Variants in DNAH6 observed in about 807,000 individuals in gnomAD.
DNAH6 encodes the protein dynein axonemal heavy chain 6.
Under a neutral mutation model 491.4 loss-of-function variants are expected in DNAH6, and 340 were observed. The ratio of observed to expected loss-of-function variants is 0.69; its 90% CI spans 0.63 to 0.76. The LOEUF (loss-of-function observed/expected upper bound fraction) is 0.76, where lower values mean the gene tolerates loss of function less well. Ranked by LOEUF, DNAH6 falls within the 30% of genes least tolerant of loss-of-function variation. DNAH6 has a pLI of 0.00. For synonymous variants in DNAH6, 1,603 were observed against 1,686.1 expected, an observed-to-expected ratio of 0.95 and a Z score of 1.21; for missense variants, 4,443 against 4,972.2, an observed-to-expected ratio of 0.89 and a Z score of 3.20.
In DNAH6 at chr2:84,653,280, AC is replaced by A. The variant is rs1426101344; in HGVS notation, c.5079-37del. The stretch of plus-strand genomic sequence containing the variant: ...TAACAAATACGGGAAAATATCAATG[AC>A]CAGTTGTTCCTAATTGATTTTATTT... On this transcript the variant is annotated intron_variant, in intron 33 of 76. Transcript: ENST00000389394. 5.0e-6 allele frequency: 7 copies of A among 1,401,176 alleles called. No individual in the cohort carries two copies. The East Asian group carries it at 1.5e-4, about 30-fold the overall frequency. 86.8% of individuals were successfully genotyped at this position (1,401,176 alleles called of 1,614,324 possible). A position where few individuals can be genotyped will look rare whatever the true frequency, so the allele number is the denominator to read the frequency against.
At chr2:84,756,932 T>C (rs1313433957) in intron 63 of DNAH6, among the ~76,000 whole-genome samples, 1 of 152,144 alleles carries the variant, frequency 6.6e-6, no homozygotes, top group Non-Finnish European at 1.5e-5. Flanking sequence ...TATATCATAA[T>C]GGGAAATTTA....
chr2:84,547,115 G>C (rs990801820), intron 5 of DNAH6, among the ~76,000 whole-genome samples, 153 bp from the exon 6 acceptor site: 1 of 152,168 alleles, frequency 6.6e-6, no homozygotes, highest in Non-Finnish European at 1.5e-5. Flanking sequence ...AGTTATAAAA[G>C]TGATCTTTTA....
intron 29 of DNAH6, among the ~76,000 whole-genome samples, chr2:84,627,270 G>A (rs960840319): frequency 2.6e-5 from 4 of 152,168 alleles, no homozygotes; most frequent in Non-Finnish European, 4.4e-5. Flanking sequence ...AGTAGATTCA[G>A]CTGCCACTGT....
rs747801076 is a variant in DNAH6, at chr2:84,619,990, G to C, written c.3792+86G>C. The C allele has an allele frequency of 4.3e-6, 5 of 1,168,150 alleles. No individual in the cohort carries two copies. In the East Asian group the frequency reaches 1.3e-4, roughly 30 times the overall value. 72.4% of individuals were successfully genotyped at this position (1,168,150 alleles called of 1,614,324 possible). On this transcript the variant is annotated intron_variant, in intron 24 of 76. Transcript: ENST00000389394. Reference sequence around the variant, plus strand: ...CTCACTCTAAGCATACAGGTACTCTGTTGGCTCAGCAGTTTCAAGGATAAC... The same window carrying C: ...CTCACTCTAAGCATACAGGTACTCTCTTGGCTCAGCAGTTTCAAGGATAAC...
At chr2:84,702,080 C>T (rs1416553701) in intron 49 of DNAH6, among the ~76,000 whole-genome samples, 1 of 152,162 alleles carries the variant, frequency 6.6e-6, no homozygotes, top group African/African-American at 2.4e-5. Context: ...CAGAGGAAAA[C>T]ATTTTGTTAA....
intron 73 of DNAH6, 115 bp from the exon 74 acceptor site, chr2:84,812,943 C>T (rs1680137376): frequency 7.2e-6 from 6 of 834,172 alleles, no homozygotes; most frequent in African/African-American, 1.7e-5. Flanking sequence ...TGGTGACTAA[C>T]TCAGGGCTGC....
intron 65 of DNAH6, 24 bp downstream of exon 65, chr2:84,781,677 C>CATA (rs1161890893): frequency 6.6e-7 from 1 of 1,516,978 alleles, no homozygotes; most frequent in Admixed American, 2.2e-5. Flanking sequence ...ATAGCCCTTG[C>CATA]ATAATAATCA....
Position 84,619,673 on chromosome 2 carries a change from T to G in DNAH6, c.3573-12T>G. ...ATTTCAAGTTATATTTTAAGGATGT[T>G]CTTTAATCCAGGTTTTACTTCTTGT... is the stretch of plus-strand genomic sequence containing the variant. On this transcript the variant is annotated splice_polypyrimidine_tract_variant and intron_variant, in intron 23 of 76. Transcript: ENST00000389394. 1 of 1,548,266 alleles carries G rather than the reference T, an allele frequency of 6.5e-7. No homozygotes were observed. Among genetic ancestry groups the G allele is most frequent in the Non-Finnish European group, 8.7e-7 (1 of 1,143,998 alleles).
At chr2:84,489,752 T>A in the DNAH6 span, among the ~76,000 whole-genome samples, 5 of 152,180 alleles carry the variant, frequency 3.3e-5, no homozygotes, top group African/African-American at 9.7e-5. Context: ...ATTTGTTTAA[T>A]CTAGAGCAGT....
intron 52 of DNAH6, among the ~76,000 whole-genome samples, chr2:84,706,576 G>A (rs1179482097): frequency 6.6e-6 from 1 of 152,072 alleles, no homozygotes; most frequent in African/African-American, 2.4e-5. Flanking sequence ...TTTCCACTAT[G>A]GCATGAATAT....
chr2:84,675,888 G>T (rs986421485), intron 40 of DNAH6, among the ~76,000 whole-genome samples: 4 of 152,036 alleles, frequency 2.6e-5, no homozygotes, highest in Admixed American at 1.3e-4. Context: ...TTGAACTCCT[G>T]GACTCAAGTG....
At chr2:84,615,517 G>A (rs553891832) in intron 22 of DNAH6, among the ~76,000 whole-genome samples, 1 of 152,022 alleles carries the variant, frequency 6.6e-6, no homozygotes, top group South Asian at 2.1e-4. Context: ...GGCTATGTGG[G>A]CTCTTTTTTT....
At chr2:84,668,082 G>C (rs933321850) in intron 37 of DNAH6, among the ~76,000 whole-genome samples, 2 of 152,106 alleles carry the variant, frequency 1.3e-5, no homozygotes, top group African/African-American at 4.8e-5. Context: ...ACACACCACG[G>C]CCTGTCGTGG....
At chr2:84,793,088 G>A (rs1677933036) in intron 68 of DNAH6, among the ~76,000 whole-genome samples, 1 of 152,186 alleles carries the variant, frequency 6.6e-6, no homozygotes, top group Admixed American at 6.5e-5. Context: ...GATGGGAAAG[G>A]AAGGGAAAGG....
chr2:84,753,827 A>AT (rs373380346), intron 63 of DNAH6, among the ~76,000 whole-genome samples: 7,259 of 131,058 alleles, frequency 0.055, 267 homozygotes, highest in African/African-American at 0.094. Context: ...TTTTGAGTTA[A>AT]TTTTTTTTTT....
chr2:84,651,828 G>A (rs1286083767), intron 33 of DNAH6, among the ~76,000 whole-genome samples: 1 of 152,026 alleles, frequency 6.6e-6, no homozygotes, highest in Non-Finnish European at 1.5e-5. Context: ...CCATCTTTCT[G>A]GAGAAATAAG....
Position 84,703,691 on chromosome 2 carries a change from GTTTT to G in DNAH6, c.8229+139_8229+142del, listed in dbSNP as rs11424668. The G allele has an allele frequency of 1.2e-4, 82 of 683,768 alleles. 1 individual carries two copies. Among genetic ancestry groups the G allele is most frequent in the Non-Finnish European group, 3.2e-5 (15 of 462,188 alleles). 42.4% of individuals were successfully genotyped at this position (683,768 alleles called of 1,614,324 possible). ...ATAATTAAGTGATAGATTTAGCAAA[GTTTT>G]TTTTTTTTTAGCAATTTAGCAATGC... On this transcript the variant is annotated intron_variant, in intron 50 of 76. Coordinates refer to ENST00000389394, the MANE Select transcript of DNAH6 (RefSeq NM_001370.2).
chr2:84,680,724 G>T (rs1304667219), intron 41 of DNAH6, among the ~76,000 whole-genome samples: 1 of 151,878 alleles, frequency 6.6e-6, no homozygotes, highest in Admixed American at 6.6e-5. Flanking sequence ...GAAGGAGAGA[G>T]AGGAGAAGTC....
chr2:84,488,892 A>C, the DNAH6 span, among the ~76,000 whole-genome samples: 1 of 152,164 alleles, frequency 6.6e-6, no homozygotes, highest in African/African-American at 2.4e-5. Context: ...GGGGTGAGCT[A>C]CCTCTAGGTA....
Sources: allele counts gnomAD v4.1 joint callset (sites outside exome capture counted in the v4.1 genomes callset), GRCh38; gene constraint gnomAD v4.1.1; transcripts MANE v1.5; gene names NCBI Gene and HGNC (gene_info 2026-07-23, HGNC 2026-07-21).